RYR2: variants seen among roughly 807,000 people sequenced by gnomAD.
RYR2 encodes the protein ryanodine receptor 2.
Under a neutral mutation model 601.1 loss-of-function variants are expected in RYR2, and 227 were observed. That is an observed-to-expected ratio of 0.38 (90% CI 0.34 to 0.42). The LOEUF (loss-of-function observed/expected upper bound fraction) is 0.42, where lower values mean the gene tolerates loss of function less well. Among genes scored for constraint, RYR2 ranks in the 10% least tolerant of loss-of-function variants. The pLI is 1.00. For synonymous variants in RYR2, 2,223 were observed against 2,175.1 expected, an observed-to-expected ratio of 1.02 and a Z score of -0.61; for missense variants, 4,646 against 6,156.5, an observed-to-expected ratio of 0.75 and a Z score of 8.21.
chr1:237,422,528 T>A (rs542680136), intron 11 of RYR2, among the ~76,000 whole-genome samples: 185 of 152,296 alleles, frequency 1.2e-3, no homozygotes, highest in African/African-American at 3.8e-3. Context: ...ATAATATAAT[T>A]GTTCCACAAT....
At chr1:237,678,146 A>G (rs554354739) in intron 61 of RYR2, 34 bp downstream of exon 61, 10 of 1,291,810 alleles carry the variant, frequency 7.7e-6, no homozygotes, top group South Asian at 4.9e-5. Context: ...TTTTGCTTCA[A>G]TATGTTTGTT....
chr1:237,445,024 G>A (rs934228305), intron 13 of RYR2, among the ~76,000 whole-genome samples: 7 of 152,042 alleles, frequency 4.6e-5, no homozygotes, highest in Admixed American at 3.3e-4. Flanking sequence ...TGTTTTACTC[G>A]ACTCATTGCA....
chr1:237,356,027 A>G (rs762677864), intron 4 of RYR2, 42 bp downstream of exon 4: 45 of 1,575,132 alleles, frequency 2.9e-5, no homozygotes, highest in Admixed American at 1.9e-4. Flanking sequence ...GTGATCTAAA[A>G]GTGCATGCTT....
intron 1 of RYR2, among the ~76,000 whole-genome samples, chr1:237,128,214 C>G (rs954644910): frequency 2.0e-5 from 3 of 152,204 alleles, no homozygotes; most frequent in Non-Finnish European, 2.9e-5. Flanking sequence ...GAAACCCTGT[C>G]TCCACCAAAA....
intron 17 of RYR2, among the ~76,000 whole-genome samples, chr1:237,484,709 A>G (rs1358136768): frequency 5.9e-5 from 9 of 152,218 alleles, no homozygotes; most frequent in Admixed American, 3.3e-4. Context: ...TAGCAAAGTC[A>G]ACTTTGATCT....
Position 237,369,416 on chromosome 1 carries a change from TTAA to T in RYR2, c.310-115_310-113del, listed in dbSNP as rs2149754644. On this transcript the variant is annotated intron_variant, in intron 5 of 104. Transcript: ENST00000366574. ...GCACTTTGCTTGTCTGCAAGAGCTC[TTAA>T]TACATTCTTTCCTACTAACGTTCCT... is the stretch of plus-strand genomic sequence containing the variant. The T allele has an allele frequency of 3.5e-6, 3 of 857,588 alleles. No homozygotes were observed. In the South Asian group the frequency reaches 4.3e-5, roughly 12 times the overall value. 53.1% of individuals were successfully genotyped at this position (857,588 alleles called of 1,614,324 possible). A position where few individuals can be genotyped will look rare whatever the true frequency, so the allele number is the denominator to read the frequency against.
rs1553411715 is a variant in RYR2 at position 237,344,803 on chromosome 1, T to TTTAA, written c.274-11160_274-11159insAATT. 2.6e-5 allele frequency among the ~76,000 whole-genome samples: 4 copies of TTTAA among 152,226 alleles called. No individual in the cohort carries two copies. The East Asian group carries it at 7.7e-4, about 29-fold the overall frequency. On this transcript the variant is annotated intron_variant, in intron 3 of 104. Coordinates refer to ENST00000366574, the MANE Select transcript of RYR2 (RefSeq NM_001035.3). ...TACTAGTAGCTTTATAGTAAGTCTTTTTTATTTATTTATTTATTTTTTGAG... is the reference window on the plus strand; with the variant it reads ...TACTAGTAGCTTTATAGTAAGTCTTTTTAATTTATTTATTTATTTATTTTTTGAG...
intron 77 of RYR2, 130 bp from the exon 78 acceptor site, chr1:237,731,916 A>ACACC (rs1553303599): frequency 8.8e-5 from 53 of 601,256 alleles, no homozygotes; most frequent in Non-Finnish European, 1.4e-4. Context: ...ACACACACAC[A>ACACC]CACCCCACAA....
chr1:237,056,951 A>C (rs2148203792), intron 1 of RYR2, among the ~76,000 whole-genome samples: 1 of 152,316 alleles, frequency 6.6e-6, no homozygotes, highest in Non-Finnish European at 1.5e-5. Context: ...GCTGAGAGAT[A>C]ATACATTTCT....
intron 58 of RYR2, among the ~76,000 whole-genome samples, chr1:237,672,478 A>G (rs1685036816): frequency 6.6e-6 from 1 of 152,114 alleles, no homozygotes. Context: ...TTTATTTTTA[A>G]CTGATACATA....
At chr1:237,637,210 A>G (rs991596178) in intron 44 of RYR2, among the ~76,000 whole-genome samples, 1 of 152,302 alleles carries the variant, frequency 6.6e-6, no homozygotes, top group Non-Finnish European at 1.5e-5. Flanking sequence ...TTGATATAAA[A>G]CATTTTTAGC....
intron 34 of RYR2, 98 bp from the exon 35 acceptor site, chr1:237,601,927 C>A: frequency 1.1e-6 from 1 of 918,168 alleles, no homozygotes. Context: ...AATCTCTGGG[C>A]TCCTTCTGTA....
At chr1:237,231,063 A>G (rs1361513451) in intron 1 of RYR2, among the ~76,000 whole-genome samples, 1 of 151,756 alleles carries the variant, frequency 6.6e-6, no homozygotes, top group African/African-American at 2.4e-5. Context: ...GGATTATGAG[A>G]TTTGTTTCTG....
In RYR2 at chr1:237,118,752, G is replaced by C. The variant is rs571963240; in HGVS notation, c.48+76183G>C. Among the ~76,000 whole-genome samples the C allele has an allele frequency of 3.6e-3, 546 of 151,996 alleles. 3 individuals carry two copies. Among genetic ancestry groups the C allele is most frequent in the African/African-American group, 0.013 (520 of 41,476 alleles). ...CCGAGTAGCTGGGACTACAGGCATG[G>C]ACCACCACGCCTGTAGTGATACCAT... On this transcript the variant is annotated intron_variant, in intron 1 of 104. Transcript: ENST00000366574.
Position 237,525,438 on chromosome 1 carries a change from TG to T in RYR2, c.2823-4988del, listed in dbSNP as rs775458150. Among the ~76,000 whole-genome samples the T allele has an allele frequency of 2.2e-5, 3 of 133,472 alleles. No individual in the cohort carries two copies. In the East Asian group the frequency reaches 8.0e-4, roughly 35 times the overall value. 87.6% of individuals were successfully genotyped at this position (133,472 alleles called of 152,430 possible). A position where few individuals can be genotyped will look rare whatever the true frequency, so the allele number is the denominator to read the frequency against. On this transcript the variant is annotated intron_variant, in intron 24 of 104. Transcript: ENST00000366574. ...GCCGCAATGAACATGTGAGTGCAGGTGTTTTTTTTGTTTGTTTGTTTTTTGT... is the reference window on the plus strand; with the variant it reads ...GCCGCAATGAACATGTGAGTGCAGGTTTTTTTTTGTTTGTTTGTTTTTTGT...
chr1:237,348,031 A>G (rs1698446928), intron 3 of RYR2, among the ~76,000 whole-genome samples: 1 of 152,156 alleles, frequency 6.6e-6, no homozygotes, highest in Admixed American at 6.5e-5. Context: ...TGCAAAGTTT[A>G]TGTAATCTCT....
At chr1:237,253,268 T>C (rs560133041) in intron 1 of RYR2, among the ~76,000 whole-genome samples, 105 of 152,194 alleles carry the variant, frequency 6.9e-4, no homozygotes, top group Non-Finnish European at 1.2e-3. Context: ...ATGAGATCAC[T>C]GAGGATGAAG....
At chr1:237,174,173 CTTCA>C (rs1396711035) in intron 1 of RYR2, among the ~76,000 whole-genome samples, 37 of 152,202 alleles carry the variant, frequency 2.4e-4, no homozygotes, top group South Asian at 8.3e-4. Context: ...TTTCATTTTT[CTTCA>C]TTCAATCTAG....
At chr1:237,108,285 G>C (rs74619638) in intron 1 of RYR2, among the ~76,000 whole-genome samples, 2 of 152,162 alleles carry the variant, frequency 1.3e-5, no homozygotes, top group African/African-American at 4.8e-5. Flanking sequence ...GAGGGGCCCA[G>C]TATATGATAC....
Sources: gnomAD v4.1 joint callset for allele counts (sites outside exome capture counted in the v4.1 genomes callset) on GRCh38, gnomAD v4.1.1 for gene constraint, MANE v1.5 for transcripts, NCBI Gene and HGNC (gene_info 2026-07-23, HGNC 2026-07-21) for gene names.